TCF4: variants seen among roughly 807,000 people sequenced by gnomAD.
TCF4 encodes the protein transcription factor 4, also known as SL3-3 enhancer factor 2.
A neutral mutation model predicts 82.1 loss-of-function variants in TCF4; 3 were observed. That is an observed-to-expected ratio of 0.04 (90% CI 0.02 to 0.09). The LOEUF (loss-of-function observed/expected upper bound fraction) is 0.09. TCF4 is among the 10% of genes least tolerant of loss of function. The probability of loss-of-function intolerance (pLI) is 1.00; values close to 1 mark genes in which losing one functional copy is unlikely to be tolerated. For missense variants in TCF4, 518 were observed against 852.7 expected, an observed-to-expected ratio of 0.61 and a Z score of 4.89; for synonymous variants, 276 against 309.6, an observed-to-expected ratio of 0.89 and a Z score of 1.14.
intron 8 of TCF4, among the ~76,000 whole-genome samples, chr18:55,301,479 C>T (rs890614172): frequency 4.6e-5 from 7 of 152,112 alleles, no homozygotes; most frequent in African/African-American, 1.4e-4. Flanking sequence ...AGCTCTGGAC[C>T]CAATCGTTCA....
intron 8 of TCF4, among the ~76,000 whole-genome samples, chr18:55,333,676 C>T (rs914500518): frequency 6.6e-6 from 1 of 152,140 alleles, no homozygotes; most frequent in African/African-American, 2.4e-5. Context: ...TTGGGCCATA[C>T]CACCCTACTG....
At chr18:55,512,564 G>C (rs2096839145) in intron 3 of TCF4, among the ~76,000 whole-genome samples, 1 of 152,032 alleles carries the variant, frequency 6.6e-6, no homozygotes, top group Admixed American at 6.6e-5. Flanking sequence ...ATATATAGCT[G>C]TATATATATG....
chr18:55,234,291 C>T (rs1475924028), intron 16 of TCF4: 2 of 582,334 alleles, frequency 3.4e-6, no homozygotes, highest in Non-Finnish European at 3.0e-6. Context: ...AAAATTTCCT[C>T]TCATCAGTCT....
rs1049022932 is a variant in TCF4 at position 55,401,155 on chromosome 18, G to A, written c.369+2299C>T. ...CGGCACAAGAGAAACTGATTCACTGGAAGACACACTATGGTCTGTTCTATT... is the reference window on the plus strand; with the variant it reads ...CGGCACAAGAGAAACTGATTCACTGAAAGACACACTATGGTCTGTTCTATT... On this transcript the variant is annotated intron_variant, in intron 6 of 19. Coordinates refer to ENST00000354452, the MANE Select transcript of TCF4 (RefSeq NM_001083962.2). 7.0e-6 allele frequency: 9 copies of A among 1,283,006 alleles called. No homozygotes were observed. In the African/African-American group the frequency reaches 1.4e-4, roughly 20 times the overall value. 79.5% of individuals were successfully genotyped at this position (1,283,006 alleles called of 1,614,324 possible). A position where few individuals can be genotyped will look rare whatever the true frequency, so the allele number is the denominator to read the frequency against.
chr18:55,580,898 T>C (rs1033928599), intron 3 of TCF4, among the ~76,000 whole-genome samples: 12 of 152,052 alleles, frequency 7.9e-5, no homozygotes, highest in African/African-American at 2.7e-4. Flanking sequence ...GAATACAGGA[T>C]AGTAGTAATC....
At chr18:55,317,068 G>A (rs1286305375) in intron 8 of TCF4, among the ~76,000 whole-genome samples, 1 of 152,030 alleles carries the variant, frequency 6.6e-6, no homozygotes, top group African/African-American at 2.4e-5. Flanking sequence ...TCAAGATTAA[G>A]TGTCTGGTGA....
intron 9 of TCF4, among the ~76,000 whole-genome samples, chr18:55,278,873 T>TGGTC (rs2061980747): frequency 6.6e-6 from 1 of 152,196 alleles, no homozygotes; most frequent in Non-Finnish European, 1.5e-5. Context: ...GGCCACATCT[T>TGGTC]GGTCTTTTTT....
intron 3 of TCF4, among the ~76,000 whole-genome samples, chr18:55,472,509 G>T (rs2096206069): frequency 6.6e-6 from 1 of 152,120 alleles, no homozygotes; most frequent in African/African-American, 2.4e-5. Flanking sequence ...TTGAAGAGAA[G>T]TTAGTCGTTT....
chr18:55,259,835 TA>T (rs989061269), intron 13 of TCF4, 113 bp downstream of exon 13: 5 of 903,724 alleles, frequency 5.5e-6, no homozygotes, highest in Non-Finnish European at 7.4e-6. Flanking sequence ...ATAGGAATGT[TA>T]AAGCTTTGGG....
At chr18:55,480,456 A>G (rs2096402811) in intron 3 of TCF4, among the ~76,000 whole-genome samples, 2 of 152,268 alleles carry the variant, frequency 1.3e-5, no homozygotes, top group African/African-American at 2.4e-5. Context: ...AAAATAAAAT[A>G]CAGTATTTGG....
chr18:55,418,690 G>C (rs2094610371), intron 5 of TCF4, among the ~76,000 whole-genome samples: 1 of 152,180 alleles, frequency 6.6e-6, no homozygotes, highest in African/African-American at 2.4e-5. Flanking sequence ...CTATGAAAGA[G>C]AAGAGTCACA....
intron 8 of TCF4, among the ~76,000 whole-genome samples, chr18:55,339,264 ACT>A (rs1184586746): frequency 1.3e-5 from 2 of 152,148 alleles, no homozygotes; most frequent in African/African-American, 4.8e-5. Context: ...CTGAAAAAAC[ACT>A]CTCATCAGAA....
At chr18:55,429,270 G>T (rs2147115731) in intron 5 of TCF4, among the ~76,000 whole-genome samples, 1 of 152,288 alleles carries the variant, frequency 6.6e-6, no homozygotes, top group South Asian at 2.1e-4. Context: ...ATTTCATGGA[G>T]TCTTCTCCTC....
chr18:55,384,964 A>T (rs752224561), intron 6 of TCF4, among the ~76,000 whole-genome samples: 28 of 152,208 alleles, frequency 1.8e-4, no homozygotes, highest in Non-Finnish European at 3.2e-4. Flanking sequence ...CTAAGAAACT[A>T]CCCGAGCCCG....
Position 55,622,266 on chromosome 18 carries a change from TG to T in TCF4, c.286+9031del, listed in dbSNP as rs572346079. ...GACCATGCCTGTAATCCCAGCACTT[TG>T]GGAGGCCAAGGTGGGCAGATCACGA... is the stretch of plus-strand genomic sequence containing the variant. On this transcript the variant is annotated intron_variant, in intron 2 of 20. Coordinates refer to the TCF4 transcript ENST00000398339. Among the ~76,000 whole-genome samples, 520 of 150,870 alleles carry T rather than the reference TG, an allele frequency of 3.4e-3. 2 individuals carry two copies. The highest frequency in any genetic ancestry group is 6.4e-3 in the Non-Finnish European group (435 of 67,806).
intron 5 of TCF4, among the ~76,000 whole-genome samples, chr18:55,449,137 T>C (rs1036751691): frequency 1.3e-5 from 2 of 152,122 alleles, no homozygotes; most frequent in African/African-American, 2.4e-5. Context: ...GAAACTGAGA[T>C]TAAAATGAAA....
At chr18:55,455,342 G>A (rs75121969) in intron 5 of TCF4, among the ~76,000 whole-genome samples, 2,262 of 151,822 alleles carry the variant, frequency 0.015, 59 homozygotes, top group African/African-American at 0.05. Flanking sequence ...AGGCTCAAAC[G>A]AGTCATACTT....
intron 8 of TCF4, among the ~76,000 whole-genome samples, chr18:55,332,541 C>A (rs1255733160): frequency 1.3e-5 from 2 of 152,116 alleles, no homozygotes; most frequent in Admixed American, 1.3e-4. Context: ...TATTAGTCTG[C>A]AAGGAGAATC....
At chr18:55,273,206 C>T (rs925547817) in intron 10 of TCF4, among the ~76,000 whole-genome samples, 8 of 152,202 alleles carry the variant, frequency 5.3e-5, no homozygotes, top group South Asian at 2.1e-4. Context: ...ACTTGACAGT[C>T]GCTACTGAAA....
Sources: gnomAD v4.1 joint callset for allele counts (sites outside exome capture counted in the v4.1 genomes callset) on GRCh38, gnomAD v4.1.1 for gene constraint, MANE v1.5 for transcripts, NCBI Gene and HGNC (gene_info 2026-07-23, HGNC 2026-07-21) for gene names.